The following DDHD1 variants were observed in gnomAD, a reference collection of about 807,000 sequenced individuals.
The protein encoded by DDHD1 is phospholipase DDHD1.
Under a neutral mutation model 96.4 loss-of-function variants are expected in DDHD1, and 49 were observed. The ratio of observed to expected loss-of-function variants is 0.51; its 90% CI spans 0.40 to 0.64. DDHD1 has a LOEUF of 0.64. Ranked by LOEUF, DDHD1 falls within the 30% of genes least tolerant of loss-of-function variation. The pLI is 0.00. For missense variants in DDHD1, 1,106 were observed against 1,161.2 expected (o/e 0.95, Z 0.69); for synonymous variants, 442 against 446.5 (o/e 0.99, Z 0.13).
rs1338710177 is a variant in DDHD1, at chr14:53,045,960, CTT to C, written c.*806_*807del. ...GTACTCCGTGTCAAGTTTAGAGAAA[CTT>C]TAGCTTTCTCTGAAGTACATGTAAC... is the stretch of plus-strand genomic sequence containing the variant. On this transcript the variant is annotated 3_prime_UTR_variant, in exon 13 of 13. Coordinates refer to ENST00000673822, the MANE Select transcript of DDHD1 (RefSeq NM_001160148.2). 6.6e-6 allele frequency: 1 copy of C among 152,036 alleles called. No individual in the cohort carries two copies. Among genetic ancestry groups the C allele is most frequent in the Non-Finnish European group, 1.5e-5 (1 of 68,000 alleles). 9.4% of individuals were successfully genotyped at this position (152,036 alleles called of 1,614,324 possible). A position where few individuals can be genotyped will look rare whatever the true frequency, so the allele number is the denominator to read the frequency against.
In DDHD1 at chr14:53,039,086, G is replaced by C. The variant is rs145410773; in HGVS notation, c.*7682C>G. ...AATTTGAACTCTTTTGGATCCAAGA[G>C]ACAGAGACCCACCTCAGAATAGTGT... On this transcript the variant is annotated 3_prime_UTR_variant, in exon 13 of 13. Transcript: ENST00000673822. 4 of 152,314 alleles carry C rather than the reference G, an allele frequency of 2.6e-5. No homozygotes were observed. The East Asian group carries it at 5.8e-4, about 22-fold the overall frequency. The allele number at this position is 152,314 out of a possible 1,614,324, so 9.4% of individuals were successfully genotyped here.
chr14:53,139,358 C>A (rs113492890), intron 1 of DDHD1, among the ~76,000 whole-genome samples: 1 of 152,070 alleles, frequency 6.6e-6, no homozygotes, highest in South Asian at 2.1e-4. Context: ...CATGAAGAAC[C>A]TTCTTGAGAT....
intron 4 of DDHD1, 89 bp from the exon 5 acceptor site, chr14:53,073,936 A>C (rs1359757128): frequency 2.6e-6 from 3 of 1,162,274 alleles, no homozygotes; most frequent in African/African-American, 3.1e-5. Context: ...GTGTTTAATC[A>C]TAACACTTCC....
chr14:53,101,225 A>C (rs946685283), intron 2 of DDHD1, among the ~76,000 whole-genome samples: 11 of 152,116 alleles, frequency 7.2e-5, no homozygotes, highest in African/African-American at 2.4e-4. Flanking sequence ...AATTTGAATG[A>C]TTTTCCCGAC....
chr14:53,083,898 G>A (rs919125916), intron 4 of DDHD1, among the ~76,000 whole-genome samples: 1 of 151,874 alleles, frequency 6.6e-6, no homozygotes, highest in Non-Finnish European at 1.5e-5. Context: ...AATGCTCCTT[G>A]TAGTGGACAC....
At chr14:53,140,211 T>C (rs1028524802) in intron 1 of DDHD1, among the ~76,000 whole-genome samples, 2 of 152,064 alleles carry the variant, frequency 1.3e-5, no homozygotes, top group Non-Finnish European at 2.9e-5. Flanking sequence ...TATCAAATGA[T>C]CTAACATACA....
chr14:53,097,846 C>G (rs956600676), intron 2 of DDHD1, among the ~76,000 whole-genome samples: 1 of 151,796 alleles, frequency 6.6e-6, no homozygotes, highest in African/African-American at 2.4e-5. Context: ...GACAAACACC[C>G]CTATACACAG....
At chr14:53,137,353 A>G (rs918493692) in intron 1 of DDHD1, among the ~76,000 whole-genome samples, 3 of 152,238 alleles carry the variant, frequency 2.0e-5, no homozygotes, top group African/African-American at 7.2e-5. Flanking sequence ...ACACTCTGGG[A>G]GGCTGAGGCA....
chr14:53,099,765 C>G (rs1032443828), intron 2 of DDHD1, among the ~76,000 whole-genome samples: 1 of 152,086 alleles, frequency 6.6e-6, no homozygotes, highest in Non-Finnish European at 1.5e-5. Flanking sequence ...TGTTAAACTG[C>G]TAAACATTTT....
intron 2 of DDHD1, among the ~76,000 whole-genome samples, chr14:53,101,039 C>T (rs993172729): frequency 2.6e-5 from 4 of 152,230 alleles, no homozygotes; most frequent in East Asian, 3.9e-4. Context: ...TACCACATTA[C>T]TATACATGGC....
At chr14:53,064,126 C>T (rs1035441937) in intron 6 of DDHD1, among the ~76,000 whole-genome samples, 4 of 152,054 alleles carry the variant, frequency 2.6e-5, no homozygotes, top group Admixed American at 2.0e-4. Flanking sequence ...GTGTGAAATA[C>T]TACATGGCTC....
intron 1 of DDHD1, among the ~76,000 whole-genome samples, chr14:53,104,362 G>A (rs1259399157): frequency 2.0e-5 from 3 of 152,170 alleles, no homozygotes; most frequent in Non-Finnish European, 4.4e-5. Context: ...AGATAGATGA[G>A]CAGCTATGTA....
At chr14:53,111,862 C>G (rs1566575604) in intron 1 of DDHD1, among the ~76,000 whole-genome samples, 1 of 152,030 alleles carries the variant, frequency 6.6e-6, no homozygotes, top group Non-Finnish European at 1.5e-5. Flanking sequence ...TAAGATATTC[C>G]AAAGCTAACT....
chr14:53,084,775 G>A (rs1595145383), intron 4 of DDHD1, among the ~76,000 whole-genome samples: 2 of 152,194 alleles, frequency 1.3e-5, no homozygotes, highest in Non-Finnish European at 2.9e-5. Flanking sequence ...GGGACTGGTT[G>A]GACAGTGGGT....
intron 6 of DDHD1, among the ~76,000 whole-genome samples, chr14:53,071,592 T>C (rs1481485158): frequency 2.0e-5 from 3 of 152,066 alleles, no homozygotes; most frequent in Non-Finnish European, 4.4e-5. Context: ...GCTGATTCAG[T>C]ATATGTATAT....
chr14:53,077,191 C>T (rs189915682), intron 4 of DDHD1, among the ~76,000 whole-genome samples: 73 of 152,206 alleles, frequency 4.8e-4, no homozygotes, highest in African/African-American at 1.6e-3. Context: ...TCTGTTTTGG[C>T]GAGACTACTA....
chr14:53,126,559 G>A (rs1889453300), intron 1 of DDHD1, among the ~76,000 whole-genome samples: 3 of 152,046 alleles, frequency 2.0e-5, no homozygotes, highest in Admixed American at 6.6e-5. Context: ...GTAGAGATGG[G>A]GTTTCATCAT....
intron 1 of DDHD1, 50 bp from the exon 2 acceptor site, chr14:53,103,906 C>A: frequency 6.8e-7 from 1 of 1,478,694 alleles, no homozygotes; most frequent in Non-Finnish European, 9.0e-7. Context: ...TTCAACTTCC[C>A]CAAAAGAGAC....
intron 8 of DDHD1, among the ~76,000 whole-genome samples, chr14:53,059,957 T>A (rs1883408097): frequency 6.6e-6 from 1 of 151,804 alleles, no homozygotes. Context: ...CTCTTACGGC[T>A]TTTAAAAATA....
Sources: allele counts gnomAD v4.1 joint callset (sites outside exome capture counted in the v4.1 genomes callset), GRCh38; gene constraint gnomAD v4.1.1; transcripts MANE v1.5; gene names NCBI Gene and HGNC (gene_info 2026-07-23, HGNC 2026-07-21).